TBCK: variants seen among roughly 807,000 people sequenced by gnomAD.
TBCK encodes TBC domain-containing protein kinase-like protein.
Under a neutral mutation model 113.4 loss-of-function variants are expected in TBCK, and 99 were observed. That is an observed-to-expected ratio of 0.87 (90% CI 0.74 to 1.03). The LOEUF (loss-of-function observed/expected upper bound fraction) is 1.03. Among genes scored for constraint, TBCK ranks in the 50% least tolerant of loss-of-function variants. The pLI, the probability that TBCK is intolerant of heterozygous loss-of-function variation, is 0.00. For missense variants in TBCK, 1,045 were observed against 1,061.3 expected, an observed-to-expected ratio of 0.98 and a Z score of 0.21; for synonymous variants, 369 against 370.8, an observed-to-expected ratio of 1.00 and a Z score of 0.05.
At chr4:106,196,798 A>G (rs1243986061) in intron 20 of TBCK, among the ~76,000 whole-genome samples, 1 of 152,140 alleles carries the variant, frequency 6.6e-6, no homozygotes, top group Admixed American at 6.6e-5. Flanking sequence ...ATTATTCAAC[A>G]TCTCTTTTAA....
At chr4:106,216,337 G>A (rs997690701) in intron 19 of TBCK, among the ~76,000 whole-genome samples, 1 of 151,880 alleles carries the variant, frequency 6.6e-6, no homozygotes, top group African/African-American at 2.4e-5. Flanking sequence ...ACATTCAAAA[G>A]CTAGCAGAAG....
chr4:106,119,744 A>C (rs994913649), intron 23 of TBCK, among the ~76,000 whole-genome samples: 1 of 152,212 alleles, frequency 6.6e-6, no homozygotes, highest in Non-Finnish European at 1.5e-5. Context: ...ATGGGAGAAA[A>C]TATGTGCAAA....
At chr4:106,131,182 A>G (rs1157839644) in intron 23 of TBCK, among the ~76,000 whole-genome samples, 1 of 152,230 alleles carries the variant, frequency 6.6e-6, no homozygotes, top group Non-Finnish European at 1.5e-5. Context: ...GCCGCCATGT[A>G]AGATATGACT....
rs537777008 is a variant in TBCK, at chr4:106,062,612, C to T, written c.2572-15932G>A. On this transcript the variant is annotated intron_variant, in intron 25 of 25. Coordinates refer to ENST00000394708, the MANE Select transcript of TBCK (RefSeq NM_001163435.3). ...CAGCCAAGTTCCAACCTCTGTGGGT[C>T]AAATGGGAGGGCAACTATGGTTAGT... 1.2e-4 allele frequency among the ~76,000 whole-genome samples: 18 copies of T among 151,884 alleles called. 1 individual carries two copies. In the South Asian group the frequency reaches 1.2e-3, roughly 11 times the overall value.
intron 16 of TBCK, 107 bp from the exon 17 acceptor site, chr4:106,233,171 T>A: frequency 3.5e-6 from 4 of 1,132,628 alleles, no homozygotes; most frequent in Non-Finnish European, 4.9e-6. Context: ...TAATATGAAT[T>A]TCAAAACAGA....
chr4:106,206,209 A>G (rs1256428962), intron 20 of TBCK, among the ~76,000 whole-genome samples: 3 of 151,620 alleles, frequency 2.0e-5, no homozygotes, highest in Admixed American at 1.3e-4. Context: ...TGGACAGCAT[A>G]AGGAATCATT....
At chr4:106,124,857 G>A (rs982734637) in intron 23 of TBCK, among the ~76,000 whole-genome samples, 2 of 151,594 alleles carry the variant, frequency 1.3e-5, no homozygotes, top group Non-Finnish European at 2.9e-5. Context: ...GTTGTGGGCT[G>A]GGGGGAGGGG....
intron 25 of TBCK, among the ~76,000 whole-genome samples, chr4:106,065,477 A>C (rs1736533795): frequency 6.6e-6 from 1 of 152,040 alleles, no homozygotes; most frequent in African/African-American, 2.4e-5. Flanking sequence ...TGACACAATA[A>C]AGGCTTGAAT....
intron 25 of TBCK, among the ~76,000 whole-genome samples, chr4:106,084,351 A>G (rs1739253099): frequency 6.6e-6 from 1 of 152,212 alleles, no homozygotes; most frequent in African/African-American, 2.4e-5. Flanking sequence ...TTTGAAGACC[A>G]CCTTACTGAA....
In TBCK at chr4:106,114,450, G is replaced by A. The variant is rs972059872; in HGVS notation, c.2411+1753C>T. ...CGGGCAGGGTGACTATGTTAATTACGCAAAAGTGTGTTGACTCAAAGCCTT... is the reference window on the plus strand; with the variant it reads ...CGGGCAGGGTGACTATGTTAATTACACAAAAGTGTGTTGACTCAAAGCCTT... On this transcript the variant is annotated intron_variant, in intron 24 of 25. Transcript: ENST00000394708. 1.1e-4 allele frequency among the ~76,000 whole-genome samples: 17 copies of A among 152,268 alleles called. No individual in the cohort carries two copies. The East Asian group carries it at 1.2e-3, about 10-fold the overall frequency.
chr4:106,248,178 A>C (rs1205401397), intron 9 of TBCK, 67 bp downstream of exon 9: 8 of 1,085,242 alleles, frequency 7.4e-6, no homozygotes, highest in Non-Finnish European at 1.1e-5. Context: ...ATATTAAAAC[A>C]AGAAAAAAAC....
chr4:106,201,035 T>C (rs577741915), intron 20 of TBCK, among the ~76,000 whole-genome samples: 25 of 152,164 alleles, frequency 1.6e-4, no homozygotes, highest in African/African-American at 6.0e-4. Flanking sequence ...ACCTATACTT[T>C]GATAATAATT....
intron 24 of TBCK, among the ~76,000 whole-genome samples, chr4:106,113,418 C>A (rs1743093296): frequency 6.6e-6 from 1 of 152,174 alleles, no homozygotes; most frequent in Admixed American, 6.5e-5. Flanking sequence ...TGTAGAAAAG[C>A]ACTTTGCTAA....
intron 23 of TBCK, among the ~76,000 whole-genome samples, chr4:106,143,341 G>A (rs1747358124): frequency 6.6e-6 from 1 of 152,152 alleles, no homozygotes; most frequent in Admixed American, 6.6e-5. Context: ...TCTACATTGA[G>A]AAAAGTGGCA....
At chr4:106,073,736 C>T (rs1464820754) in intron 25 of TBCK, among the ~76,000 whole-genome samples, 2 of 152,194 alleles carry the variant, frequency 1.3e-5, no homozygotes, top group Non-Finnish European at 2.9e-5. Context: ...TCTACAGAGG[C>T]ACGTAGGCCT....
At chr4:106,242,866 C>A (rs1760325609) in intron 11 of TBCK, among the ~76,000 whole-genome samples, 2 of 118,298 alleles carry the variant, frequency 1.7e-5, no homozygotes, top group Admixed American at 1.0e-4. Flanking sequence ...CTCCCCCTCC[C>A]CCCACCCCAC....
intron 3 of TBCK, among the ~76,000 whole-genome samples, chr4:106,287,167 T>C (rs1219753381): frequency 1.3e-5 from 2 of 152,134 alleles, no homozygotes; most frequent in South Asian, 2.1e-4. Flanking sequence ...TCAGGATGTA[T>C]AGCAATTCTG....
intron 25 of TBCK, among the ~76,000 whole-genome samples, chr4:106,078,120 G>C (rs1309440745): frequency 6.6e-6 from 1 of 152,122 alleles, no homozygotes; most frequent in Admixed American, 6.5e-5. Flanking sequence ...ATACCAGTTT[G>C]GGACACAGTT....
intron 2 of TBCK, among the ~76,000 whole-genome samples, chr4:106,301,468 C>T (rs1766935491): frequency 6.6e-6 from 1 of 152,114 alleles, no homozygotes; most frequent in African/African-American, 2.4e-5. Flanking sequence ...ATAGTATTTT[C>T]AGGCTTTACT....
Sources: gnomAD v4.1 joint callset for allele counts (sites outside exome capture counted in the v4.1 genomes callset) on GRCh38, gnomAD v4.1.1 for gene constraint, MANE v1.5 for transcripts, NCBI Gene and HGNC (gene_info 2026-07-23, HGNC 2026-07-21) for gene names.